PTPRM: variants seen among roughly 807,000 people sequenced by gnomAD.
PTPRM encodes the protein protein tyrosine phosphatase receptor type M, also known as receptor-type tyrosine-protein phosphatase mu.
PTPRM carries 47 observed loss-of-function variants against 186.7 expected under a neutral mutation model. That is an observed-to-expected ratio of 0.25 (90% CI 0.20 to 0.32). The LOEUF is 0.32. Among genes scored for constraint, PTPRM ranks in the 10% least tolerant of loss-of-function variants. The pLI, the probability that PTPRM is intolerant of heterozygous loss-of-function variation, is 1.00. For missense variants in PTPRM, 1,494 were observed against 1,865.0 expected (o/e 0.80, Z 3.66); for synonymous variants, 668 against 674.9 (o/e 0.99, Z 0.16).
chr18:7,852,819 A>G (rs2046930266), intron 2 of PTPRM, among the ~76,000 whole-genome samples: 1 of 152,190 alleles, frequency 6.6e-6, no homozygotes. Context: ...AACTATGATC[A>G]CACCACTGTA....
intron 7 of PTPRM, among the ~76,000 whole-genome samples, chr18:7,962,930 C>T (rs1429961622): frequency 2.0e-5 from 3 of 152,176 alleles, no homozygotes; most frequent in Admixed American, 6.5e-5. Flanking sequence ...GGCTGTTATT[C>T]GGAAGGCATA....
chr18:7,803,253 G>C (rs987152724), intron 2 of PTPRM, among the ~76,000 whole-genome samples: 1 of 152,198 alleles, frequency 6.6e-6, no homozygotes, highest in Non-Finnish European at 1.5e-5. Flanking sequence ...GAGGTTGGCA[G>C]GGCTGCATTG....
At chr18:8,358,121 G>A (rs959956333) in intron 23 of PTPRM, among the ~76,000 whole-genome samples, 3 of 150,858 alleles carry the variant, frequency 2.0e-5, no homozygotes, top group Non-Finnish European at 2.9e-5. Flanking sequence ...TTTTGTTTAA[G>A]GCTAGCTATT....
intron 1 of PTPRM, among the ~76,000 whole-genome samples, chr18:7,600,199 G>T (rs773733780): frequency 2.0e-5 from 3 of 148,016 alleles, no homozygotes; most frequent in African/African-American, 7.5e-5. Flanking sequence ...TGTGTAGAGC[G>T]GGGAGAATAG....
intron 19 of PTPRM, among the ~76,000 whole-genome samples, chr18:8,294,048 C>T (rs1401089212): frequency 3.3e-5 from 5 of 151,994 alleles, no homozygotes; most frequent in Non-Finnish European, 4.4e-5. Context: ...GTAAGGAGTT[C>T]GAGACCAGCC....
intron 14 of PTPRM, among the ~76,000 whole-genome samples, chr18:8,172,530 T>G (rs2093418182): frequency 6.6e-6 from 1 of 152,030 alleles, no homozygotes; most frequent in South Asian, 2.1e-4. Flanking sequence ...CCCAGGCATA[T>G]TGAATCAGAA....
At chr18:7,994,334 A>G (rs2083423508) in intron 7 of PTPRM, among the ~76,000 whole-genome samples, 3 of 151,890 alleles carry the variant, frequency 2.0e-5, no homozygotes, top group Admixed American at 2.0e-4. Flanking sequence ...AGCAAATATC[A>G]TTAGCGCTAA....
At chr18:8,086,025 G>C (rs1003563894) in intron 10 of PTPRM, among the ~76,000 whole-genome samples, 153 bp downstream of exon 10, 2 of 152,152 alleles carry the variant, frequency 1.3e-5, no homozygotes, top group African/African-American at 4.8e-5. Context: ...AGCTTTAAAT[G>C]AAGTACTACA....
intron 19 of PTPRM, among the ~76,000 whole-genome samples, chr18:8,262,017 T>C (rs569590449): frequency 4.3e-5 from 5 of 116,648 alleles, no homozygotes; most frequent in Admixed American, 2.9e-4. Flanking sequence ...GTGTGTCTGG[T>C]ACTGGTCCTC....
intron 11 of PTPRM, among the ~76,000 whole-genome samples, chr18:8,112,750 G>A (rs2091811218): frequency 6.6e-6 from 1 of 152,176 alleles, no homozygotes; most frequent in Non-Finnish European, 1.5e-5. Context: ...AAGAGGATGA[G>A]CGGGTACCAG....
intron 26 of PTPRM, 115 bp downstream of exon 26, chr18:8,376,712 A>T (rs1053880610): frequency 2.0e-5 from 26 of 1,281,086 alleles, no homozygotes; most frequent in Non-Finnish European, 2.6e-5. Flanking sequence ...CAAGTGATCT[A>T]CCTGGCATTC....
At chr18:7,758,094 T>C (rs2041594088) in intron 1 of PTPRM, among the ~76,000 whole-genome samples, 1 of 152,152 alleles carries the variant, frequency 6.6e-6, no homozygotes, top group Non-Finnish European at 1.5e-5. Flanking sequence ...CGGGACTCAA[T>C]ATTCATGTGT....
chr18:8,066,044 A>G (rs2089048234), intron 7 of PTPRM, among the ~76,000 whole-genome samples: 1 of 152,226 alleles, frequency 6.6e-6, no homozygotes, highest in South Asian at 2.1e-4. Context: ...ATCGCTCTGT[A>G]GAAACATTGA....
chr18:8,035,572 AT>A (rs1040377778), intron 7 of PTPRM, among the ~76,000 whole-genome samples: 2 of 152,064 alleles, frequency 1.3e-5, no homozygotes, highest in African/African-American at 4.8e-5. Context: ...TATTATTTTT[AT>A]TGTTTTTTTC....
At chr18:8,068,409 T>G (rs897937628) in intron 7 of PTPRM, among the ~76,000 whole-genome samples, 16 of 152,208 alleles carry the variant, frequency 1.1e-4, no homozygotes, top group Non-Finnish European at 4.4e-5. Flanking sequence ...CATGGTACAT[T>G]ATAAGTGCTT....
chr18:7,699,490 C>T (rs939281959), intron 1 of PTPRM, among the ~76,000 whole-genome samples: 3 of 152,112 alleles, frequency 2.0e-5, no homozygotes, highest in African/African-American at 7.2e-5. Flanking sequence ...CTTACTGCAA[C>T]GTCTGCCTCC....
intron 7 of PTPRM, among the ~76,000 whole-genome samples, chr18:8,066,036 C>T (rs2089046593): frequency 6.6e-6 from 1 of 152,058 alleles, no homozygotes; most frequent in Admixed American, 6.5e-5. Context: ...TAATGGAAAT[C>T]GCTCTGTAGA....
intron 14 of PTPRM, among the ~76,000 whole-genome samples, chr18:8,209,724 C>T (rs1365444802): frequency 6.6e-6 from 1 of 151,888 alleles, no homozygotes; most frequent in Admixed American, 6.6e-5. Flanking sequence ...AGGACAAGAA[C>T]AGAAAACCAG....
intron 14 of PTPRM, among the ~76,000 whole-genome samples, chr18:8,172,726 G>T (rs2093423080): frequency 6.6e-6 from 1 of 151,694 alleles, no homozygotes. Context: ...AAAAACTTCT[G>T]CTTAACCTCA....
Sources: allele counts gnomAD v4.1 joint callset (sites outside exome capture counted in the v4.1 genomes callset), GRCh38; gene constraint gnomAD v4.1.1; transcripts MANE v1.5; gene names NCBI Gene and HGNC (gene_info 2026-07-23, HGNC 2026-07-21).